RASGRF1: variants seen among roughly 807,000 people sequenced by gnomAD.
The protein encoded by RASGRF1 is ras-specific guanine nucleotide-releasing factor 1.
RASGRF1 carries 40 observed loss-of-function variants against 138.7 expected under a neutral mutation model. That is an observed-to-expected ratio of 0.29 (90% confidence interval 0.22 to 0.38). The LOEUF (loss-of-function observed/expected upper bound fraction) is 0.38. Ranked by LOEUF, RASGRF1 falls within the 10% of genes least tolerant of loss-of-function variation. The probability of loss-of-function intolerance (pLI) is 1.00; values close to 1 mark genes in which losing one functional copy is unlikely to be tolerated. For synonymous variants in RASGRF1, 614 were observed against 663.2 expected, an observed-to-expected ratio of 0.93 and a Z score of 1.14; for missense variants, 1,108 against 1,650.4, an observed-to-expected ratio of 0.67 and a Z score of 5.69.
At chr15:79,063,934 A>T (rs776193495) in intron 2 of RASGRF1, among the ~76,000 whole-genome samples, 3 of 152,144 alleles carry the variant, frequency 2.0e-5, no homozygotes, top group Non-Finnish European at 2.9e-5. Context: ...TACAGGGGGC[A>T]CTTACTGCTG....
At chr15:78,972,591 G>A (rs534867352) in intron 25 of RASGRF1, among the ~76,000 whole-genome samples, 9 of 152,124 alleles carry the variant, frequency 5.9e-5, no homozygotes, top group South Asian at 4.2e-4. Context: ...CTTCCTTAGC[G>A]CCTGCTGTGC....
At chr15:78,988,725 A>G (rs1349603476) in intron 22 of RASGRF1, among the ~76,000 whole-genome samples, 2 of 152,056 alleles carry the variant, frequency 1.3e-5, no homozygotes, top group Non-Finnish European at 2.9e-5. Context: ...AACTCAGAAG[A>G]ATGAGGATGC....
chr15:79,074,125 A>G (rs1046241263), intron 1 of RASGRF1, among the ~76,000 whole-genome samples: 3 of 152,230 alleles, frequency 2.0e-5, no homozygotes, highest in Non-Finnish European at 2.9e-5. Context: ...TTTCCACTCC[A>G]AATCCCTTGG....
At chr15:79,087,681 C>G (rs1162257972) in intron 1 of RASGRF1, among the ~76,000 whole-genome samples, 1 of 152,202 alleles carries the variant, frequency 6.6e-6, no homozygotes, top group East Asian at 1.9e-4. Flanking sequence ...GCACCCAAGT[C>G]AAAGAGAAAC....
intron 17 of RASGRF1, among the ~76,000 whole-genome samples, 157 bp downstream of exon 17, chr15:78,999,586 T>C (rs2056473145): frequency 6.6e-6 from 1 of 151,900 alleles, no homozygotes; most frequent in Admixed American, 6.5e-5. Context: ...AGCAGGGAGC[T>C]CCCCGAGGGT....
intron 26 of RASGRF1, among the ~76,000 whole-genome samples, chr15:78,964,855 A>G (rs1316747313): frequency 6.6e-6 from 1 of 152,056 alleles, no homozygotes; most frequent in Admixed American, 6.5e-5. Flanking sequence ...GTACTTTTCC[A>G]TAGTTGTACC....
chr15:79,061,430 ATC>A (rs1491446426), intron 2 of RASGRF1, among the ~76,000 whole-genome samples: 6 of 147,202 alleles, frequency 4.1e-5, no homozygotes, highest in Admixed American at 2.0e-4. Flanking sequence ...ATATATATAT[ATC>A]ATTCATTTTT....
intron 1 of RASGRF1, among the ~76,000 whole-genome samples, chr15:79,075,114 T>A (rs893672000): frequency 6.6e-6 from 1 of 152,166 alleles, no homozygotes; most frequent in Admixed American, 6.5e-5. Context: ...GAGTTTGACG[T>A]AGCATCCCCG....
intron 13 of RASGRF1, among the ~76,000 whole-genome samples, chr15:79,012,216 G>A (rs929720875): frequency 1.3e-5 from 2 of 151,862 alleles, no homozygotes; most frequent in African/African-American, 2.4e-5. Flanking sequence ...TTTTGCCTCC[G>A]AACCTATGTT....
rs113544632 is a variant in RASGRF1 at position 79,050,674 on chromosome 15, A to G, written c.532-1086T>C. ...AGATGTCGACATAGCTGCAAGAACA[A>G]AACCAAGGCATGGTGCCTAGGAGAA... On this transcript the variant is annotated intron_variant, in intron 3 of 26. Transcript: ENST00000558480. This position sits in a 1 kb window ranked among gnomAD's most constrained non-coding sequence, Gnocchi z 4.1. Among the ~76,000 whole-genome samples, 1,440 of 152,308 alleles carry G rather than the reference A, an allele frequency of 9.5e-3. 32 individuals carry two copies. The highest frequency in any genetic ancestry group is 0.033 in the African/African-American group (1,369 of 41,558).
Position 78,996,201 on chromosome 15 carries a change from GT to G in RASGRF1, c.2967-402del, listed in dbSNP as rs2056387965. On this transcript the variant is annotated intron_variant, in intron 19 of 26. Coordinates refer to ENST00000558480, the MANE Select transcript of RASGRF1 (RefSeq NM_001145648.3). ...GCATGACAGGAAGGAAGCACAGGGA[GT>G]GGGGAGGCAGCAGCATGGCAGCCAC... Among the ~76,000 whole-genome samples, 4 of 152,378 alleles carry G rather than the reference GT, an allele frequency of 2.6e-5. No individual in the cohort carries two copies. The South Asian group carries it at 8.3e-4, about 32-fold the overall frequency.
intron 1 of RASGRF1, among the ~76,000 whole-genome samples, chr15:79,082,299 C>T (rs981664435): frequency 2.0e-5 from 3 of 152,160 alleles, no homozygotes; most frequent in African/African-American, 7.2e-5. Flanking sequence ...CTCACCCTGT[C>T]TAGTGAACTG....
At chr15:79,004,226 C>G (rs200978830) in intron 14 of RASGRF1, 51 bp from the exon 15 acceptor site, 1 of 1,505,630 alleles carries the variant, frequency 6.6e-7, no homozygotes, top group Non-Finnish European at 8.8e-7. Flanking sequence ...CCTGCCTGCC[C>G]GCCTAGGCCT....
chr15:79,003,457 C>A (rs1035326809), intron 15 of RASGRF1, among the ~76,000 whole-genome samples: 8 of 152,250 alleles, frequency 5.3e-5, no homozygotes, highest in African/African-American at 1.9e-4. Context: ...TGGCCCAGGC[C>A]CTGTCCTCTG....
At chr15:78,989,051 A>AGGTAGGCACCC (rs1331343394) in intron 22 of RASGRF1, among the ~76,000 whole-genome samples, 2 of 152,182 alleles carry the variant, frequency 1.3e-5, no homozygotes, top group East Asian at 3.9e-4. Context: ...GCTAGGCACA[A>AGGTAGGCACCC]GGTAGGCACC....
In RASGRF1 at chr15:78,995,754, C is replaced by T. The variant is rs767514389; in HGVS notation, c.3013G>A (p.Glu1005Lys). The change falls in exon 20 of 27, where the codon GAG (glutamate) becomes AAG (lysine). Residue 1005 changes from glutamate (E) to lysine (K), a missense_variant. Coordinates refer to ENST00000558480, the MANE Select transcript of RASGRF1 (RefSeq NM_001145648.3). ...DPGDNQITLE[E>K]ITQMAEGVKA... ...GCCCAGCTCACCATCTGCGTGATCT[C>T]CTCCAGCGTGATCTGGTTGTCACCT... The T allele has an allele frequency of 1.2e-6, 2 of 1,614,186 alleles. No homozygotes were observed. The highest frequency in any genetic ancestry group is 3.3e-5 in the Admixed American group (2 of 60,024).
chr15:79,040,106 G>A (rs1053773021), intron 5 of RASGRF1, among the ~76,000 whole-genome samples: 3 of 152,106 alleles, frequency 2.0e-5, no homozygotes, highest in East Asian at 1.9e-4. Flanking sequence ...ATAGTTTTTA[G>A]GACTTTTTTT....
At chr15:79,043,277 T>G (rs1480597943) in intron 5 of RASGRF1, among the ~76,000 whole-genome samples, 1 of 152,214 alleles carries the variant, frequency 6.6e-6, no homozygotes, top group East Asian at 1.9e-4. Context: ...TTTGTATATA[T>G]GCACATGAGG....
intron 5 of RASGRF1, among the ~76,000 whole-genome samples, chr15:79,041,879 T>C (rs2141017548): frequency 6.6e-6 from 1 of 152,190 alleles, no homozygotes; most frequent in Non-Finnish European, 1.5e-5. Flanking sequence ...TGTGGCATGC[T>C]CCCCTGCTGA....
Sources: gnomAD v4.1 joint callset for allele counts (sites outside exome capture counted in the v4.1 genomes callset) on GRCh38, gnomAD v4.1.1 for gene constraint, Gnocchi (gnomAD v3.1) non-coding constraint, MANE v1.5 for transcripts, NCBI Gene and HGNC (gene_info 2026-07-23, HGNC 2026-07-21) for gene names.